Variants in LRPPRC observed in about 807,000 individuals in gnomAD.
LRPPRC encodes leucine-rich PPR motif-containing protein, mitochondrial.
In LRPPRC, 120 loss-of-function variants were observed where a neutral mutation model predicts 180.3. That is an observed-to-expected ratio of 0.67 (90% CI 0.57 to 0.77). LRPPRC has a LOEUF of 0.77. Among genes scored for constraint, LRPPRC ranks in the 30% least tolerant of loss-of-function variants. The probability of loss-of-function intolerance (pLI) is 0.00; values close to 1 mark genes in which losing one functional copy is unlikely to be tolerated. For synonymous variants in LRPPRC, 723 were observed against 600.0 expected (o/e 1.21, Z -3.00); for missense variants, 2,012 against 1,657.2 (o/e 1.21, Z -3.72).
chr2:43,907,992 T>C (rs1215425209), intron 30 of LRPPRC, among the ~76,000 whole-genome samples: 1 of 152,182 alleles, frequency 6.6e-6, no homozygotes. Flanking sequence ...ATGTAAGCAA[T>C]GACTGTGCTT....
At chr2:43,993,826 G>C (rs1410545682) in intron 1 of LRPPRC, among the ~76,000 whole-genome samples, 1 of 151,988 alleles carries the variant, frequency 6.6e-6, no homozygotes, top group Non-Finnish European at 1.5e-5. Flanking sequence ...GGCATGTTTT[G>C]GATTGAGTGT....
At chr2:43,966,285 G>T (rs1238163429) in intron 11 of LRPPRC, among the ~76,000 whole-genome samples, 1 of 152,132 alleles carries the variant, frequency 6.6e-6, no homozygotes, top group African/African-American at 2.4e-5. Context: ...TGGGACTGGG[G>T]TGTGAGTGAA....
chr2:43,976,920 CAA>C lies in LRPPRC; in HGVS notation c.650+72_650+73del, dbSNP rs1034307200. 14 of 1,247,746 alleles carry C rather than the reference CAA, an allele frequency of 1.1e-5. No homozygotes were observed. The African/African-American group carries it at 2.1e-4, about 18-fold the overall frequency. The allele number at this position is 1,247,746 out of a possible 1,614,324, so 77.3% of individuals were successfully genotyped here. A position where few individuals can be genotyped will look rare whatever the true frequency, so the allele number is the denominator to read the frequency against. On this transcript the variant is annotated intron_variant, in intron 5 of 37. Transcript: ENST00000260665. Reference sequence around the variant, plus strand: ...CCTCCATTAGGAAGAAGCTTTAAAACAAAGAGTGAACAGACATTAGATTTACA... The same window carrying C: ...CCTCCATTAGGAAGAAGCTTTAAAACAGAGTGAACAGACATTAGATTTACA...
chr2:43,888,409 A>C lies in LRPPRC; in HGVS notation c.*191T>G, dbSNP rs1393130666. 6 of 523,546 alleles carry C rather than the reference A, an allele frequency of 1.1e-5. No individual in the cohort carries two copies. Among genetic ancestry groups the C allele is most frequent in the Non-Finnish European group, 2.1e-5 (6 of 290,472 alleles). 32.4% of individuals were successfully genotyped at this position (523,546 alleles called of 1,614,324 possible). Reference sequence around the variant, plus strand: ...GAAGAAAACACTATCGATTTTTCCCAGAGAAAAAAACTCCAAAAATGTCCA... The same window carrying C: ...GAAGAAAACACTATCGATTTTTCCCCGAGAAAAAAACTCCAAAAATGTCCA... On this transcript the variant is annotated 3_prime_UTR_variant, in exon 38 of 38. Transcript: ENST00000260665.
At chr2:43,913,414 G>A (rs1558926457) in intron 29 of LRPPRC, among the ~76,000 whole-genome samples, 1 of 152,086 alleles carries the variant, frequency 6.6e-6, no homozygotes, top group African/African-American at 2.4e-5. Flanking sequence ...CTCAATGTAA[G>A]GAAATATAAA....
intron 11 of LRPPRC, among the ~76,000 whole-genome samples, chr2:43,969,236 C>A (rs2103693153): frequency 6.6e-6 from 1 of 152,044 alleles, no homozygotes; most frequent in East Asian, 1.9e-4. Context: ...CACGGTGAAA[C>A]CCCGTCTCTA....
intron 14 of LRPPRC, among the ~76,000 whole-genome samples, 188 bp from the exon 15 acceptor site, chr2:43,950,788 G>A (rs1672869609): frequency 6.6e-6 from 1 of 152,192 alleles, no homozygotes; most frequent in Non-Finnish European, 1.5e-5. Context: ...ATTCAAAATA[G>A]GCCAGGCCTG....
chr2:43,962,350 A>G (rs926942395), intron 12 of LRPPRC, among the ~76,000 whole-genome samples: 1 of 152,164 alleles, frequency 6.6e-6, no homozygotes, highest in African/African-American at 2.4e-5. Context: ...AAGACACTGA[A>G]GATATAAACC....
Position 43,889,779 on chromosome 2 carries a change from A to C in LRPPRC, c.4083T>G (p.Ser1361=). ...CAGGCTCTCCAGCATACTTCAGCAA[A>C]GATGCGTAACGCTTTAGAAACAGAT... is the stretch of plus-strand genomic sequence containing the variant. The part of the protein sequence containing the change: ...LDDLFLKRYA[S]LLKYAGEPVP... The change falls in exon 37 of 38, where the codon TCT becomes TCG. Residue 1361 remains serine (S), a synonymous_variant. Coordinates refer to ENST00000260665, the MANE Select transcript of LRPPRC (RefSeq NM_133259.4). 1 of 1,612,882 alleles carries C rather than the reference A, an allele frequency of 6.2e-7. No homozygotes were observed.
At chr2:43,993,668 T>C (rs149159464) in intron 1 of LRPPRC, among the ~76,000 whole-genome samples, 241 of 151,964 alleles carry the variant, frequency 1.6e-3, no homozygotes, top group African/African-American at 5.8e-3. Context: ...CTTTATTGCC[T>C]GCTGTCACCT....
At chr2:43,950,500 T>G in intron 15 of LRPPRC, 73 bp downstream of exon 15, 2 of 1,322,232 alleles carry the variant, frequency 1.5e-6, no homozygotes, top group Non-Finnish European at 2.2e-6. Flanking sequence ...ATGATAAAAA[T>G]TATTACATAA....
intron 1 of LRPPRC, among the ~76,000 whole-genome samples, chr2:43,995,331 A>T (rs1359984543): frequency 2.0e-5 from 3 of 152,202 alleles, no homozygotes; most frequent in Non-Finnish European, 4.4e-5. Flanking sequence ...TGGCTCACCC[A>T]AACTCCCAAC....
At chr2:43,971,472 G>A (rs1273890895) in intron 11 of LRPPRC, among the ~76,000 whole-genome samples, 7 of 47,608 alleles carry the variant, frequency 1.5e-4, no homozygotes, top group Non-Finnish European at 2.8e-4. Context: ...GACCTCCTGA[G>A]GCTGTGTCAC....
chr2:43,918,536 G>A (rs1671561963), intron 27 of LRPPRC, 138 bp from the exon 28 acceptor site: 1 of 711,308 alleles, frequency 1.4e-6, no homozygotes, highest in Admixed American at 2.4e-5. Context: ...AACCAAAAGT[G>A]ACCGTGACCC....
At chr2:43,976,386 C>T (rs116417583) in intron 5 of LRPPRC, among the ~76,000 whole-genome samples, 157 bp from the exon 6 acceptor site, 1,695 of 152,144 alleles carry the variant, frequency 0.011, 34 homozygotes, top group African/African-American at 0.039. Context: ...TCCCTTTGAT[C>T]CCCTTCCCAC....
chr2:43,910,928 A>G (rs1350347604), intron 30 of LRPPRC, among the ~76,000 whole-genome samples: 2 of 152,112 alleles, frequency 1.3e-5, no homozygotes, highest in Non-Finnish European at 2.9e-5. Flanking sequence ...CTTTGCTTCT[A>G]TCTCATCACT....
At chr2:43,958,520 C>A (rs1673214086) in intron 13 of LRPPRC, among the ~76,000 whole-genome samples, 1 of 152,156 alleles carries the variant, frequency 6.6e-6, no homozygotes, top group Non-Finnish European at 1.5e-5. Context: ...AACAAGGAGC[C>A]TAAGTTTCTC....
intron 25 of LRPPRC, among the ~76,000 whole-genome samples, chr2:43,933,604 C>T (rs1246108840): frequency 8.5e-5 from 13 of 152,092 alleles, no homozygotes; most frequent in Non-Finnish European, 2.9e-5. Flanking sequence ...CTTATCAATT[C>T]CACTAAGCAA....
chr2:43,948,450 C>A lies in LRPPRC; in HGVS notation c.1804G>T (p.Glu602Ter). Residue 602 changes from glutamate to a stop codon, truncating the protein, a stop_gained, in exon 17 of 38, where the codon GAG becomes TAG. Coordinates refer to ENST00000260665, the MANE Select transcript of LRPPRC (RefSeq NM_133259.4). LOFTEE classifies it high-confidence loss of function. Reference sequence around the variant, plus strand: ...TGATGGAAGTATTGTCTCAAATGCTCCTCCTTGGCCTGTACCTCTGAGTCA... The same window carrying A: ...TGATGGAAGTATTGTCTCAAATGCTACTCCTTGGCCTGTACCTCTGAGTCA... ...MSDSEVQAKE[E>*]HLRQYFHQLE... 6.2e-7 allele frequency: 1 copy of A among 1,613,304 alleles called. No homozygotes were observed. Among genetic ancestry groups the A allele is most frequent in the Non-Finnish European group, 8.5e-7 (1 of 1,179,322 alleles).
Sources: allele counts gnomAD v4.1 joint callset (sites outside exome capture counted in the v4.1 genomes callset), GRCh38; gene constraint gnomAD v4.1.1; transcripts MANE v1.5; gene names NCBI Gene and HGNC (gene_info 2026-07-23, HGNC 2026-07-21).